Variants in GRID2 observed in about 807,000 individuals in gnomAD.
GRID2 encodes the protein glutamate ionotropic receptor delta type subunit 2, also known as glutamate receptor ionotropic, delta-2.
Under a neutral mutation model 114.8 loss-of-function variants are expected in GRID2, and 33 were observed. That is an observed-to-expected ratio of 0.29 (90% CI 0.22 to 0.38). GRID2 has a LOEUF of 0.38. Ranked by LOEUF, GRID2 falls within the 10% of genes least tolerant of loss-of-function variation. The pLI, the probability that GRID2 is intolerant of heterozygous loss-of-function variation, is 1.00. For missense variants in GRID2, 1,184 were observed against 1,257.7 expected (o/e 0.94, Z 0.89); for synonymous variants, 505 against 449.9 (o/e 1.12, Z -1.55).
intron 11 of GRID2, among the ~76,000 whole-genome samples, chr4:93,459,445 G>A (rs1359803317): frequency 1.3e-5 from 2 of 152,114 alleles, no homozygotes; most frequent in African/African-American, 2.4e-5. Flanking sequence ...AGGGTTAGGT[G>A]AGCCAGCTGT....
intron 2 of GRID2, among the ~76,000 whole-genome samples, chr4:92,879,321 AT>A (rs1256997628): frequency 6.6e-6 from 1 of 152,178 alleles, no homozygotes; most frequent in Non-Finnish European, 1.5e-5. Flanking sequence ...CACCAATAAA[AT>A]GACACCCAAA....
chr4:92,864,652 T>C (rs1440352881), intron 2 of GRID2, among the ~76,000 whole-genome samples: 1 of 152,174 alleles, frequency 6.6e-6, no homozygotes, highest in African/African-American at 2.4e-5. Context: ...TTAGGAAGGG[T>C]ATAGCATCCA....
intron 1 of GRID2, among the ~76,000 whole-genome samples, chr4:92,560,557 A>G (rs1213197040): frequency 1.3e-5 from 2 of 152,146 alleles, no homozygotes; most frequent in Non-Finnish European, 2.9e-5. Flanking sequence ...TTATTGATCA[A>G]TGTTTCACAA....
intron 4 of GRID2, among the ~76,000 whole-genome samples, chr4:93,128,041 AAAAAAAAAAAAAAAAAAAC>A (rs1230851929): frequency 4.2e-5 from 6 of 142,638 alleles, no homozygotes; most frequent in Non-Finnish European, 4.5e-5. Flanking sequence ...AAAAAAAAAA[AAAAAAAAAAAAAAAAAAAC>A]AACAGTACGT....
Position 92,569,148 on chromosome 4 carries a change from G to A in GRID2, c.89-20983G>A, listed in dbSNP as rs755555390. Among the ~76,000 whole-genome samples, 40 of 151,858 alleles carry A rather than the reference G, an allele frequency of 2.6e-4. 1 individual carries two copies. The highest frequency in any genetic ancestry group is 3.9e-4 in the Admixed American group (6 of 15,222). On this transcript the variant is annotated intron_variant, in intron 1 of 15. Coordinates refer to ENST00000282020, the MANE Select transcript of GRID2 (RefSeq NM_001510.4). ...ACCCCACACCCTCCAACAGGCCCCA[G>A]TGTATCTTGCTACCTGACATGTGTC...
chr4:92,987,461 A>C (rs1375249011), intron 2 of GRID2, among the ~76,000 whole-genome samples: 1 of 152,080 alleles, frequency 6.6e-6, no homozygotes, highest in African/African-American at 2.4e-5. Context: ...AGGAGGGGAG[A>C]GGGATAGCAT....
chr4:93,037,336 G>A (rs914642050), intron 2 of GRID2, among the ~76,000 whole-genome samples: 4 of 151,920 alleles, frequency 2.6e-5, no homozygotes, highest in Non-Finnish European at 4.4e-5. Flanking sequence ...TAAAGAAAAC[G>A]TCACCCTTTG....
chr4:92,863,519 G>A (rs1371529597), intron 2 of GRID2, among the ~76,000 whole-genome samples: 3 of 152,188 alleles, frequency 2.0e-5, no homozygotes, highest in Non-Finnish European at 4.4e-5. Flanking sequence ...ACAGCAGCCT[G>A]CTCATCTACT....
chr4:92,761,031 A>G (rs1269221867), intron 2 of GRID2, among the ~76,000 whole-genome samples: 1 of 152,046 alleles, frequency 6.6e-6, no homozygotes, highest in East Asian at 1.9e-4. Flanking sequence ...ATAAACCTCT[A>G]TTTCATGTGT....
At chr4:92,980,366 T>G (rs550257319) in intron 2 of GRID2, among the ~76,000 whole-genome samples, 1 of 152,090 alleles carries the variant, frequency 6.6e-6, no homozygotes, top group Non-Finnish European at 1.5e-5. Flanking sequence ...TATAATATTT[T>G]ACCTTAAAAA....
intron 2 of GRID2, among the ~76,000 whole-genome samples, chr4:92,989,566 G>T (rs1754739368): frequency 6.6e-6 from 1 of 151,974 alleles, no homozygotes; most frequent in Non-Finnish European, 1.5e-5. Flanking sequence ...ATAAGTGAAT[G>T]TATAACTAGT....
At chr4:93,365,336 GT>G (rs1560542946) in intron 8 of GRID2, among the ~76,000 whole-genome samples, 1 of 152,094 alleles carries the variant, frequency 6.6e-6, no homozygotes, top group African/African-American at 2.4e-5. Context: ...GTTAAGTTCA[GT>G]TTTTCTTTCT....
At chr4:93,745,328 G>C (rs1731752580) in intron 14 of GRID2, among the ~76,000 whole-genome samples, 1 of 152,142 alleles carries the variant, frequency 6.6e-6, no homozygotes, top group African/African-American at 2.4e-5. Flanking sequence ...AAAAAAGAGA[G>C]AATAGAAATC....
At chr4:93,638,086 T>C (rs1188107595) in intron 14 of GRID2, among the ~76,000 whole-genome samples, 1 of 152,140 alleles carries the variant, frequency 6.6e-6, no homozygotes, top group East Asian at 1.9e-4. Flanking sequence ...GATTTCTGTC[T>C]TTGTGAACGT....
intron 8 of GRID2, chr4:93,302,608 A>C: frequency 2.2e-6 from 1 of 456,192 alleles, no homozygotes; most frequent in South Asian, 1.5e-5. Flanking sequence ...AAGTAATTTG[A>C]CCATTCATAT....
At chr4:93,024,400 G>A (rs890132709) in intron 2 of GRID2, among the ~76,000 whole-genome samples, 1 of 151,678 alleles carries the variant, frequency 6.6e-6, no homozygotes, top group Non-Finnish European at 1.5e-5. Flanking sequence ...AATTTATTAT[G>A]AGAACTTAAA....
chr4:93,429,927 A>T (rs1281803645), intron 10 of GRID2, among the ~76,000 whole-genome samples: 2 of 152,150 alleles, frequency 1.3e-5, no homozygotes, highest in Non-Finnish European at 2.9e-5. Flanking sequence ...TTGGAGTATA[A>T]TAAGATACTA....
intron 1 of GRID2, among the ~76,000 whole-genome samples, chr4:93,804,965 A>C (rs1218653447): frequency 6.6e-6 from 1 of 152,216 alleles, no homozygotes; most frequent in Non-Finnish European, 1.5e-5. Flanking sequence ...GTATCTCCCA[A>C]CCAGATTATG....
chr4:93,673,696 A>T (rs1225826225), intron 14 of GRID2, among the ~76,000 whole-genome samples: 2 of 152,206 alleles, frequency 1.3e-5, no homozygotes, highest in Non-Finnish European at 1.5e-5. Flanking sequence ...ACATGAAACA[A>T]GCCATTGACT....
Sources: allele counts gnomAD v4.1 joint callset (sites outside exome capture counted in the v4.1 genomes callset), GRCh38; gene constraint gnomAD v4.1.1; transcripts MANE v1.5; gene names NCBI Gene and HGNC (gene_info 2026-07-23, HGNC 2026-07-21).